Variants in ZNF276 observed in about 807,000 individuals in gnomAD.
ZNF276 encodes the protein zinc finger protein 276, also known as centromere protein Z.
A neutral mutation model predicts 63.9 loss-of-function variants in ZNF276; 59 were observed. The ratio of observed to expected loss-of-function variants is 0.92; its 90% CI spans 0.75 to 1.15. ZNF276 has a LOEUF of 1.15. Ranked by LOEUF, ZNF276 falls within the 50% of genes most tolerant of loss-of-function variation. The pLI is 0.00. For synonymous variants in ZNF276, 496 were observed against 348.4 expected (o/e 1.42, Z -4.72); for missense variants, 1,084 against 843.8 (o/e 1.28, Z -3.53).
rs769459548 is a variant in ZNF276, at chr16:89,740,866, G to C, written c.*2620G>C. ...GAGAAGAAGAAAAGGAAAACCAATA[G>C]CTGTAAATAAAAACGTGCACTTATT... On this transcript the variant is annotated 3_prime_UTR_variant, in exon 11 of 11. Coordinates refer to ENST00000443381, the MANE Select transcript of ZNF276 (RefSeq NM_001113525.2). The C allele has an allele frequency of 1.2e-6, 2 of 1,611,800 alleles. No homozygotes were observed. Among genetic ancestry groups the C allele is most frequent in the Non-Finnish European group, 1.7e-6 (2 of 1,178,636 alleles).
intron 6 of ZNF276, chr16:89,731,967 C>G (rs56296040): frequency 0.19 from 29,150 of 152,184 alleles, 3,490 homozygotes; most frequent in Middle Eastern, 0.31. Flanking sequence ...CCAGTGCTGC[C>G]CTGAGAGCAG....
At chr16:89,723,848 C>T (rs1303619146) in intron 4 of ZNF276, 139 bp downstream of exon 4, 4 of 928,676 alleles carry the variant, frequency 4.3e-6, no homozygotes, top group South Asian at 1.7e-5. Context: ...CTTGGGGCTT[C>T]TGCCTGCGGC....
upstream of ZNF276, chr16:89,720,665 G>C: frequency 2.4e-6 from 3 of 1,244,328 alleles, no homozygotes; most frequent in East Asian, 3.4e-5. Flanking sequence ...CCGCTCCCAA[G>C]TCTCCAGCCC....
At chr16:89,730,544 C>CA (rs1337379381) in intron 6 of ZNF276, among the ~76,000 whole-genome samples, 2 of 152,172 alleles carry the variant, frequency 1.3e-5, no homozygotes, top group East Asian at 1.9e-4. Context: ...ACAGCACACT[C>CA]AGACTGTGTC....
intron 6 of ZNF276, chr16:89,732,132 C>T (rs1185919151): frequency 6.7e-6 from 1 of 149,584 alleles, no homozygotes; most frequent in East Asian, 2.1e-4. Flanking sequence ...ACTATTCTTA[C>T]CTGGATCCAG....
chr16:89,739,005 A>T lies in ZNF276; in HGVS notation c.*759A>T. ...GAGAAAACAGGCAAACTCACAGGTT[A>T]GAAGACATACAGAAACAGGGCTGGT... On this transcript the variant is annotated 3_prime_UTR_variant, in exon 11 of 11. Coordinates refer to ENST00000443381, the MANE Select transcript of ZNF276 (RefSeq NM_001113525.2). 6.2e-7 allele frequency: 1 copy of T among 1,614,166 alleles called. No homozygotes were observed. The highest frequency in any genetic ancestry group is 8.5e-7 in the Non-Finnish European group (1 of 1,180,042).
At chr16:89,729,051 C>T (rs2061562311) in intron 5 of ZNF276, among the ~76,000 whole-genome samples, 184 bp from the exon 6 acceptor site, 1 of 152,180 alleles carries the variant, frequency 6.6e-6, no homozygotes, top group South Asian at 2.1e-4. Context: ...GGCTTGTGAG[C>T]CTGGCTGGCC....
Position 89,738,856 on chromosome 16 carries a change from G to C in ZNF276, c.*610G>C. 1 of 1,614,214 alleles carries C rather than the reference G, an allele frequency of 6.2e-7. No individual in the cohort carries two copies. The highest frequency in any genetic ancestry group is 8.5e-7 in the Non-Finnish European group (1 of 1,180,042). ...TGTCAATTCTCATGTCCCCCACATG[G>C]CCCAAGGTGGGCATCTTGACGTTAC... On this transcript the variant is annotated 3_prime_UTR_variant, in exon 11 of 11. Coordinates refer to ENST00000443381, the MANE Select transcript of ZNF276 (RefSeq NM_001113525.2).
In ZNF276 at chr16:89,729,285, C is replaced by T. The variant is rs373032964; in HGVS notation, c.1136C>T (p.Ser379Leu). The change falls in exon 6 of 11, where the codon TCG (serine) becomes TTG (leucine). Residue 379 changes from serine to leucine, a missense_variant. By Grantham distance (145) the Ser-to-Leu change is moderately radical. Transcript: ENST00000443381. ...ENDKKQNAQSSDESFEPYPER... is the reference protein window; with the variant it reads ...ENDKKQNAQSLDESFEPYPER... ...GACAAGAAGCAAAATGCCCAGTCTTCGGACGAGTCCTTTGAGCCTTACCCA... is the reference window on the plus strand; with the variant it reads ...GACAAGAAGCAAAATGCCCAGTCTTTGGACGAGTCCTTTGAGCCTTACCCA... 67 of 1,614,016 alleles carry T rather than the reference C, an allele frequency of 4.2e-5. No homozygotes were observed. The highest frequency in any genetic ancestry group is 1.5e-4 in the Admixed American group (9 of 59,998).
At chr16:89,722,203 G>A (rs2061313094) in intron 1 of ZNF276, among the ~76,000 whole-genome samples, 1 of 152,218 alleles carries the variant, frequency 6.6e-6, no homozygotes, top group Non-Finnish European at 1.5e-5. Flanking sequence ...TTGGCAGACA[G>A]GAAACCGCGG....
rs1050113428 is a variant in ZNF276, at chr16:89,729,216, A to T, written c.1086-19A>T. The stretch of plus-strand genomic sequence containing the variant: ...GCCCAGGCCCAGGGCTTTGCTGAAG[A>T]TTCTCTCTTAATTCCTAGAGACGTC... On this transcript the variant is annotated intron_variant, in intron 5 of 10. Coordinates refer to ENST00000443381, the MANE Select transcript of ZNF276 (RefSeq NM_001113525.2). 6.2e-7 allele frequency: 1 copy of T among 1,612,304 alleles called. No homozygotes were observed.
In ZNF276 at chr16:89,733,521, C is replaced by A; in HGVS notation, c.1320C>A (p.Gly440=). ...LPTIYKCPYQ[G]CTAVYRGADG... ...CCATCTACAAGTGTCCTTACCAGGG[C>A]TGCACGGCCGTGTACCGAGGCGCTG... The change falls in exon 8 of 11, where the codon GGC becomes GGA. Residue 440 remains glycine, a synonymous_variant. Coordinates refer to ENST00000443381, the MANE Select transcript of ZNF276 (RefSeq NM_001113525.2). 4.3e-6 allele frequency: 7 copies of A among 1,614,168 alleles called. No individual in the cohort carries two copies. The highest frequency in any genetic ancestry group is 1.3e-5 in the African/African-American group (1 of 75,052).
chr16:89,724,425 T>C (rs2061405553), intron 4 of ZNF276, among the ~76,000 whole-genome samples: 1 of 152,130 alleles, frequency 6.6e-6, no homozygotes, highest in Non-Finnish European at 1.5e-5. Flanking sequence ...GGTGGGTGGA[T>C]CACTTGAGGT....
At chr16:89,722,298 C>A (rs1479091812) in intron 1 of ZNF276, among the ~76,000 whole-genome samples, 2 of 152,246 alleles carry the variant, frequency 1.3e-5, no homozygotes, top group Admixed American at 1.3e-4. Flanking sequence ...CTTGAAGTTG[C>A]TTCGCTGGAG....
intron 6 of ZNF276, among the ~76,000 whole-genome samples, chr16:89,731,091 G>A (rs2061632653): frequency 6.6e-6 from 1 of 152,234 alleles, no homozygotes; most frequent in South Asian, 2.1e-4. Context: ...GGAGGTGAGT[G>A]GTCATTGTGG....
At chr16:89,721,197 C>G (rs1316231763), upstream of ZNF276, 7 of 233,494 alleles carry the variant, frequency 3.0e-5, no homozygotes, top group Admixed American at 5.8e-5. Context: ...GCCCCCCTCC[C>G]CTTTCTGCAG....
At position 89,739,441 on chromosome 16, in the gene ZNF276, ACTGCCCAGCC is replaced by A. The variant is rs1472162126; in HGVS notation, c.*1199_*1208del. ...GTGCTGAGATGGGGGTCTGGGAAAC[ACTGCCCAGCC>A]CTGACCAGCCCTGTGGGTGGAGGTA... On this transcript the variant is annotated 3_prime_UTR_variant, in exon 11 of 11. Coordinates refer to ENST00000443381, the MANE Select transcript of ZNF276 (RefSeq NM_001113525.2). 2.6e-6 allele frequency: 4 copies of A among 1,553,228 alleles called. No homozygotes were observed. The highest frequency in any genetic ancestry group is 3.9e-5 in the Admixed American group (2 of 51,254).
intron 4 of ZNF276, among the ~76,000 whole-genome samples, chr16:89,725,889 C>T (rs563920657): frequency 2.0e-5 from 3 of 152,294 alleles, no homozygotes; most frequent in African/African-American, 2.4e-5. Context: ...TCAAGTGATC[C>T]TTCTGCCTTG....
In ZNF276 at chr16:89,738,909, C is replaced by T. The variant is rs368985041; in HGVS notation, c.*663C>T. 34 of 1,614,108 alleles carry T rather than the reference C, an allele frequency of 2.1e-5. No homozygotes were observed. Among genetic ancestry groups the T allele is most frequent in the Middle Eastern group, 1.6e-4 (1 of 6,084 alleles). On this transcript the variant is annotated 3_prime_UTR_variant, in exon 11 of 11. Coordinates refer to ENST00000443381, the MANE Select transcript of ZNF276 (RefSeq NM_001113525.2). ...CTGCCACGTGTGAGAAGCTCTTTTT[C>T]GGGCACCGAGGTATTAACTGCAGCA... is the stretch of plus-strand genomic sequence containing the variant.
Sources: allele counts gnomAD v4.1 joint callset (sites outside exome capture counted in the v4.1 genomes callset), GRCh38; gene constraint gnomAD v4.1.1; transcripts MANE v1.5; gene names NCBI Gene and HGNC (gene_info 2026-07-23, HGNC 2026-07-21).